TLR3: variants seen among roughly 807,000 people sequenced by gnomAD.
TLR3 encodes toll-like receptor 3.
TLR3 carries 43 observed loss-of-function variants against 66.4 expected under a neutral mutation model. The observed-to-expected ratio is 0.65, with a 90% CI of 0.51 to 0.83. The LOEUF (loss-of-function observed/expected upper bound fraction) is 0.83. Among genes scored for constraint, TLR3 ranks in the 40% least tolerant of loss-of-function variants. TLR3 has a pLI of 0.00. For missense variants in TLR3, 982 were observed against 1,044.6 expected, an observed-to-expected ratio of 0.94 and a Z score of 0.83; for synonymous variants, 397 against 397.2, an observed-to-expected ratio of 1.00 and a Z score of 0.01.
rs370564831 is a variant in TLR3, at chr4:186,076,863, G to A, written c.244G>A (p.Val82Ile). The change falls in exon 2 of 5, where the codon GTA becomes ATA. Residue 82 changes from valine to isoleucine, a missense_variant. This residue lies in a region of TLR3 where 313 missense variants were observed against 319.0 expected (regional missense o/e 0.98). Coordinates refer to ENST00000296795, the MANE Select transcript of TLR3 (RefSeq NM_003265.3). Reference sequence around the variant, plus strand: ...GTATAGCCAGCTAACTAGCTTGGATGTAGGATTTAACACCATCTCAAAACT... The same window carrying A: ...GTATAGCCAGCTAACTAGCTTGGATATAGGATTTAACACCATCTCAAAACT... ...TRYSQLTSLD[V>I]GFNTISKLEP... is the part of the protein sequence containing the mutation. 6.2e-7 allele frequency: 1 copy of A among 1,614,052 alleles called. No homozygotes were observed. Among genetic ancestry groups the A allele is most frequent in the African/African-American group, 1.3e-5 (1 of 74,912 alleles).
intron 3 of TLR3, among the ~76,000 whole-genome samples, chr4:186,081,438 G>A (rs556442062): frequency 5.3e-4 from 80 of 152,230 alleles, no homozygotes; most frequent in African/African-American, 1.8e-3. Context: ...GGTGTAGGAC[G>A]GAGCAGAAGG....
At chr4:186,075,032 T>TA (rs1027577315) in intron 1 of TLR3, among the ~76,000 whole-genome samples, 13 of 151,342 alleles carry the variant, frequency 8.6e-5, no homozygotes, top group South Asian at 2.1e-4. Flanking sequence ...ACAGTTAACT[T>TA]AAAAAAAAAT....
chr4:186,081,520 A>T (rs1355137752), intron 3 of TLR3: 4 of 152,348 alleles, frequency 2.6e-5, no homozygotes, highest in Non-Finnish European at 4.4e-5. Flanking sequence ...GGAGAGCTAG[A>T]GCTCAGAGTT....
rs1274265082 is a variant in TLR3 at position 186,086,666 on chromosome 4, A to G, written c.*1793A>G. The G allele has an allele frequency of 6.6e-6, 1 of 152,236 alleles. No homozygotes were observed. Among genetic ancestry groups the G allele is most frequent in the African/African-American group, 2.4e-5 (1 of 41,474 alleles). The allele number at this position is 152,236 out of a possible 1,614,324, so 9.4% of individuals were successfully genotyped here. On this transcript the variant is annotated 3_prime_UTR_variant, in exon 5 of 5. Coordinates refer to ENST00000296795, the MANE Select transcript of TLR3 (RefSeq NM_003265.3). ...TTATATGCTTTGTGTGTTATCACACAAATATTCTCAAATATTCATAAGATA... is the reference window on the plus strand; with the variant it reads ...TTATATGCTTTGTGTGTTATCACACGAATATTCTCAAATATTCATAAGATA...
rs746832696 is a variant in TLR3, at chr4:186,078,907, T to G, written c.509T>G (p.Leu170Arg). Residue 170 changes from leucine to arginine, a missense_variant, in exon 3 of 5, where the codon CTG becomes CGG. Around this residue, in one of 3 missense-constraint regions of TLR3, gnomAD observed 313 missense variants for 319.0 expected, o/e 0.98. Transcript: ENST00000296795. ...ACAAAATTAGGAACTCAGGTTCAGC[T>G]GGAAAATCTCCAAGAGCTTCTATTA... ...SSTKLGTQVQLENLQELLLSN... is the reference protein window; with the variant it reads ...SSTKLGTQVQRENLQELLLSN... 6.2e-7 allele frequency: 1 copy of G among 1,614,026 alleles called. No homozygotes were observed. The highest frequency in any genetic ancestry group is 1.3e-5 in the African/African-American group (1 of 74,950).
rs1053020064 is a variant in TLR3 at position 186,083,046 on chromosome 4, G to T, written c.1360G>T (p.Gly454Cys). Reference sequence around the variant, plus strand: ...AGAACTCACAGGCCAGGAATGGAGAGGTCTAGAAAATATTTTCGAAATCTA... The same window carrying T: ...AGAACTCACAGGCCAGGAATGGAGATGTCTAGAAAATATTTTCGAAATCTA... The part of the protein sequence containing the change: ...GQELTGQEWR[G>C]LENIFEIYLS... Residue 454 changes from glycine (G) to cysteine (C), a missense_variant, in exon 4 of 5, where the codon GGT becomes TGT. Physicochemically the swap from Gly to Cys is radical, Grantham distance 159 (BLOSUM62 -3). Coordinates refer to ENST00000296795, the MANE Select transcript of TLR3 (RefSeq NM_003265.3). This position sits in a 1 kb window ranked among gnomAD's most constrained non-coding sequence, Gnocchi z 4.0. 1.2e-6 allele frequency: 2 copies of T among 1,614,126 alleles called. No individual in the cohort carries two copies. The highest frequency in any genetic ancestry group is 3.3e-5 in the Admixed American group (2 of 60,018).
intron 1 of TLR3, among the ~76,000 whole-genome samples, chr4:186,070,379 C>T (rs74566553): frequency 1.4e-5 from 2 of 146,276 alleles, no homozygotes; most frequent in African/African-American, 4.9e-5. Flanking sequence ...TATTTTATTT[C>T]ATTTTATTTC....
chr4:186,070,551 A>T (rs1278839852), intron 1 of TLR3, among the ~76,000 whole-genome samples: 1 of 151,662 alleles, frequency 6.6e-6, no homozygotes, highest in African/African-American at 2.4e-5. Flanking sequence ...TGGCCAGCTA[A>T]TTTAAAAAAA....
Position 186,084,735 on chromosome 4 carries a change from A to G in TLR3, c.2577A>G (p.Lys859=). 1 of 1,614,092 alleles carries G rather than the reference A, an allele frequency of 6.2e-7. No individual in the cohort carries two copies. Among genetic ancestry groups the G allele is most frequent in the Non-Finnish European group, 8.5e-7 (1 of 1,179,980 alleles). ...LVFLEEIPDY[K]LNHALCLRRG... Reference sequence around the variant, plus strand: ...TCCTTGAGGAGATTCCAGATTATAAACTGAACCATGCACTCTGTTTGCGAA... The same window carrying G: ...TCCTTGAGGAGATTCCAGATTATAAGCTGAACCATGCACTCTGTTTGCGAA... The change falls in exon 5 of 5, where the codon AAA becomes AAG. Residue 859 remains lysine (K), a synonymous_variant. Coordinates refer to ENST00000296795, the MANE Select transcript of TLR3 (RefSeq NM_003265.3).
At chr4:186,082,224 CAAAA>C (rs549369747) in intron 3 of TLR3, 92 bp from the exon 4 acceptor site, 1,708 of 379,074 alleles carry the variant, frequency 4.5e-3, no homozygotes, top group Middle Eastern at 6.4e-3. Flanking sequence ...GACTCCGTCT[CAAAA>C]AAAAAAAAAA....
intron 3 of TLR3, among the ~76,000 whole-genome samples, 190 bp downstream of exon 3, chr4:186,079,221 G>C (rs5743314): frequency 0.19 from 28,203 of 151,932 alleles, 2,802 homozygotes; most frequent in Middle Eastern, 0.26. Flanking sequence ...GTCGGGAGAC[G>C]GGACTCTGCC....
In TLR3 at chr4:186,085,794, T is replaced by A. The variant is rs2150068573; in HGVS notation, c.*921T>A. 6.6e-6 allele frequency: 1 copy of A among 152,252 alleles called. No homozygotes were observed. The highest frequency in any genetic ancestry group is 1.9e-4 in the East Asian group (1 of 5,200). The allele number at this position is 152,252 out of a possible 1,614,324, so 9.4% of individuals were successfully genotyped here. On this transcript the variant is annotated 3_prime_UTR_variant, in exon 5 of 5. Transcript: ENST00000296795. ...AGGAATGTATTATTTTACCATAAAATAATGTGCTACGCATAAGGTAGTCCT... is the reference window on the plus strand; with the variant it reads ...AGGAATGTATTATTTTACCATAAAAAAATGTGCTACGCATAAGGTAGTCCT...
rs2099303726 is a variant in TLR3, at chr4:186,082,620, C to A, written c.934C>A (p.His312Asn). Reference protein sequence around the residue: ...YFFLEYNNIQHLFSHSLHGLF... With the variant: ...YFFLEYNNIQNLFSHSLHGLF... ...CTTCCTAGAGTATAATAATATACAG[C>A]ATTTGTTTTCTCACTCTTTGCACGG... The change falls in exon 4 of 5, where the codon CAT becomes AAT. Residue 312 changes from histidine (H) to asparagine (N), a missense_variant. Coordinates refer to ENST00000296795, the MANE Select transcript of TLR3 (RefSeq NM_003265.3). The A allele has an allele frequency of 8.1e-6, 13 of 1,614,054 alleles. 1 individual carries two copies. The highest frequency in any genetic ancestry group is 1.3e-5 in the African/African-American group (1 of 75,024).
intron 2 of TLR3, 46 bp from the exon 3 acceptor site, chr4:186,078,794 T>G (rs928321510): frequency 6.4e-7 from 1 of 1,553,024 alleles, no homozygotes; most frequent in African/African-American, 1.4e-5. Context: ...AAGAACTGTT[T>G]TTGACAGCAA....
intron 4 of TLR3, 71 bp from the exon 5 acceptor site, chr4:186,084,574 T>C: frequency 9.8e-7 from 1 of 1,022,356 alleles, no homozygotes; most frequent in Non-Finnish European, 1.5e-6. Flanking sequence ...CTCTACAGAG[T>C]ATTTTTAAAT....
chr4:186,085,099 GA>G lies in TLR3; in HGVS notation c.*228del, dbSNP rs1218852539. On this transcript the variant is annotated 3_prime_UTR_variant, in exon 5 of 5. Coordinates refer to ENST00000296795, the MANE Select transcript of TLR3 (RefSeq NM_003265.3). Reference sequence around the variant, plus strand: ...CAAAATAAAACATATAAGCACGTAAGAACATTGTCTACTGATTAATATACAA... The same window carrying G: ...CAAAATAAAACATATAAGCACGTAAGACATTGTCTACTGATTAATATACAA... 3 of 548,058 alleles carry G rather than the reference GA, an allele frequency of 5.5e-6. No individual in the cohort carries two copies. The highest frequency in any genetic ancestry group is 9.7e-6 in the Non-Finnish European group (3 of 309,942). 33.9% of individuals were successfully genotyped at this position (548,058 alleles called of 1,614,324 possible). A position where few individuals can be genotyped will look rare whatever the true frequency, so the allele number is the denominator to read the frequency against.
In TLR3 at chr4:186,087,423, A is replaced by C. The variant is rs2099304542; in HGVS notation, c.*2550A>C. On this transcript the variant is annotated 3_prime_UTR_variant, in exon 5 of 5. Coordinates refer to ENST00000296795, the MANE Select transcript of TLR3 (RefSeq NM_003265.3). ...ACCCTTGTCCCTGGGGTTTGAGAGA[A>C]GGGGATCGAGGAAAAGGATGTTTGT... 6.6e-6 allele frequency: 1 copy of C among 152,178 alleles called. No individual in the cohort carries two copies. Among genetic ancestry groups the C allele is most frequent in the African/African-American group, 2.4e-5 (1 of 41,438 alleles). The allele number at this position is 152,178 out of a possible 1,614,324, so 9.4% of individuals were successfully genotyped here.
chr4:186,081,397 T>A (rs976272080), intron 3 of TLR3, among the ~76,000 whole-genome samples: 4 of 152,010 alleles, frequency 2.6e-5, no homozygotes, highest in Non-Finnish European at 5.9e-5. Flanking sequence ...GTCCCCGAAG[T>A]GAGTCCCAGA....
intron 1 of TLR3, among the ~76,000 whole-genome samples, chr4:186,072,738 C>T (rs1415163686): frequency 6.6e-6 from 1 of 152,218 alleles, no homozygotes; most frequent in Non-Finnish European, 1.5e-5. Flanking sequence ...CTCCCACCAG[C>T]CCCCACCTCC....
Sources: gnomAD v4.1 joint callset for allele counts (sites outside exome capture counted in the v4.1 genomes callset) on GRCh38, gnomAD v4.1.1 for gene constraint, gnomAD v4.1.1 regional missense constraint, Gnocchi (gnomAD v3.1) non-coding constraint, MANE v1.5 for transcripts, NCBI Gene and HGNC (gene_info 2026-07-23, HGNC 2026-07-21) for gene names.